The following DOCK1 variants were observed in gnomAD, a reference collection of about 807,000 sequenced individuals.
DOCK1 encodes the protein dedicator of cytokinesis protein 1.
Under a neutral mutation model 262.7 loss-of-function variants are expected in DOCK1, and 138 were observed. The observed-to-expected ratio is 0.53, with a 90% CI of 0.46 to 0.61. The LOEUF is 0.61. DOCK1 is among the 20% of genes least tolerant of loss of function. DOCK1 has a pLI of 0.00. For synonymous variants in DOCK1, 866 were observed against 867.4 expected, an observed-to-expected ratio of 1.00 and a Z score of 0.03; for missense variants, 1,908 against 2,370.7, an observed-to-expected ratio of 0.80 and a Z score of 4.05.
chr10:126,962,830 T>C (rs2037331692), intron 1 of DOCK1, among the ~76,000 whole-genome samples: 1 of 152,248 alleles, frequency 6.6e-6, no homozygotes, highest in Non-Finnish European at 1.5e-5. Context: ...GTTGTTCCTC[T>C]GTGTTTTCTT....
chr10:127,225,627 A>G (rs1412097351), intron 27 of DOCK1, among the ~76,000 whole-genome samples: 1 of 152,242 alleles, frequency 6.6e-6, no homozygotes, highest in East Asian at 1.9e-4. Flanking sequence ...TTGCTTTGGA[A>G]TAATAGCGAG....
intron 23 of DOCK1, among the ~76,000 whole-genome samples, chr10:127,077,708 C>G (rs1364798046): frequency 6.6e-6 from 1 of 152,106 alleles, no homozygotes; most frequent in Non-Finnish European, 1.5e-5. Context: ...TTCGACCCCC[C>G]AAATAGATGA....
intron 13 of DOCK1, among the ~76,000 whole-genome samples, chr10:127,019,514 C>T (rs1461399344): frequency 2.8e-5 from 4 of 142,394 alleles, no homozygotes; most frequent in South Asian, 2.4e-4. Flanking sequence ...TTTGGGAGTT[C>T]GAGGCGGGGG....
chr10:127,137,573 T>C (rs918697391), intron 27 of DOCK1: 10 of 358,926 alleles, frequency 2.8e-5, no homozygotes, highest in Admixed American at 2.6e-4. Context: ...TTTTTACTTA[T>C]CATCTTTGAC....
chr10:127,416,176 G>GC (rs1410024206), intron 44 of DOCK1, among the ~76,000 whole-genome samples: 2 of 152,218 alleles, frequency 1.3e-5, no homozygotes, highest in Non-Finnish European at 2.9e-5. Context: ...TATACTCAAA[G>GC]CACCCAGGGC....
intron 29 of DOCK1, among the ~76,000 whole-genome samples, chr10:127,269,204 T>TG (rs1249070963): frequency 3.3e-5 from 5 of 152,144 alleles, no homozygotes; most frequent in African/African-American, 1.2e-4. Flanking sequence ...AAAGCGCATG[T>TG]GGGGTGCTTT....
intron 10 of DOCK1, among the ~76,000 whole-genome samples, chr10:127,007,014 G>C (rs1190892707): frequency 6.6e-6 from 1 of 152,194 alleles, no homozygotes; most frequent in Admixed American, 6.5e-5. Flanking sequence ...AGTCAGTCGC[G>C]TGTGGGTCAG....
chr10:127,004,422 C>A (rs2040836740), intron 10 of DOCK1, among the ~76,000 whole-genome samples: 1 of 152,000 alleles, frequency 6.6e-6, no homozygotes, highest in Non-Finnish European at 1.5e-5. Flanking sequence ...TCAATCCTAA[C>A]TGAATATGAG....
chr10:127,213,287 A>G (rs899994936), intron 27 of DOCK1, among the ~76,000 whole-genome samples: 3 of 152,246 alleles, frequency 2.0e-5, no homozygotes, highest in African/African-American at 7.2e-5. Flanking sequence ...AGAGACAGAA[A>G]GAACAAGATG....
intron 1 of DOCK1, among the ~76,000 whole-genome samples, chr10:126,965,102 C>T (rs896526650): frequency 3.2e-4 from 48 of 152,288 alleles, no homozygotes; most frequent in African/African-American, 1.1e-3. Flanking sequence ...TACAGATGAG[C>T]AACTCTACAA....
intron 49 of DOCK1, among the ~76,000 whole-genome samples, chr10:127,441,661 G>A (rs12218557): frequency 0.022 from 3,378 of 152,000 alleles, 135 homozygotes; most frequent in East Asian, 0.15. Flanking sequence ...AACAGAAGCA[G>A]CAACCCATTC....
intron 25 of DOCK1, among the ~76,000 whole-genome samples, chr10:127,112,217 G>A (rs957577366): frequency 2.0e-5 from 3 of 152,038 alleles, no homozygotes; most frequent in Non-Finnish European, 4.4e-5. Context: ...TCACCATGTT[G>A]GTCAGGCTGG....
chr10:127,081,370 CT>C (rs11298794), intron 23 of DOCK1, among the ~76,000 whole-genome samples: 32,450 of 140,446 alleles, frequency 0.23, 5,014 homozygotes, highest in African/African-American at 0.47. Context: ...GTATGTGGGG[CT>C]TTTTTTTTTT....
chr10:127,415,499 T>G (rs1383603091), intron 44 of DOCK1, among the ~76,000 whole-genome samples: 1 of 152,244 alleles, frequency 6.6e-6, no homozygotes, highest in Non-Finnish European at 1.5e-5. Context: ...CTTCTTACAA[T>G]GTATTTAAAT....
At chr10:127,332,163 C>T (rs2063012272) in intron 29 of DOCK1, among the ~76,000 whole-genome samples, 1 of 152,118 alleles carries the variant, frequency 6.6e-6, no homozygotes, top group South Asian at 2.1e-4. Flanking sequence ...AGACAAGGGC[C>T]CAGTAATCTC....
At chr10:127,035,764 C>T (rs1251076215) in intron 18 of DOCK1, among the ~76,000 whole-genome samples, 1 of 151,996 alleles carries the variant, frequency 6.6e-6, no homozygotes, top group Non-Finnish European at 1.5e-5. Flanking sequence ...AATCCCAGCA[C>T]TTTGGGAGGC....
chr10:126,936,738 G>C (rs1213367348), intron 1 of DOCK1, among the ~76,000 whole-genome samples: 2 of 152,138 alleles, frequency 1.3e-5, no homozygotes, highest in East Asian at 3.9e-4. Flanking sequence ...CTGTTCCCTG[G>C]TGAACATGTG....
chr10:127,320,263 G>T (rs1024569835), intron 29 of DOCK1, among the ~76,000 whole-genome samples: 2 of 152,138 alleles, frequency 1.3e-5, no homozygotes, highest in Admixed American at 6.5e-5. Flanking sequence ...AAGGAATCTG[G>T]CAGGAAAAGC....
Position 126,939,925 on chromosome 10 carries a change from C to G in DOCK1, c.47-30777C>G, listed in dbSNP as rs937808375. 2.6e-5 allele frequency among the ~76,000 whole-genome samples: 4 copies of G among 152,156 alleles called. No homozygotes were observed. The East Asian group carries it at 7.7e-4, about 29-fold the overall frequency. ...CTTCCTTTGTCCTTTGAAGGCCACG[C>G]CTACCTTGTTGCCTGAATAGGAGCC... On this transcript the variant is annotated intron_variant, in intron 1 of 51. Coordinates refer to ENST00000623213, the MANE Select transcript of DOCK1 (RefSeq NM_001290223.2).
Sources: allele counts gnomAD v4.1 joint callset (sites outside exome capture counted in the v4.1 genomes callset), GRCh38; gene constraint gnomAD v4.1.1; transcripts MANE v1.5; gene names NCBI Gene and HGNC (gene_info 2026-07-23, HGNC 2026-07-21).